The following LIMCH1 variants were observed in gnomAD, a reference collection of about 807,000 sequenced individuals.
LIMCH1 encodes LIM and calponin homology domains-containing protein 1.
A neutral mutation model predicts 176.5 loss-of-function variants in LIMCH1; 113 were observed. That is an observed-to-expected ratio of 0.64 (90% CI 0.55 to 0.75). LIMCH1 has a LOEUF of 0.75. Among genes scored for constraint, LIMCH1 ranks in the 30% least tolerant of loss-of-function variants. LIMCH1 has a pLI of 0.00. For missense variants in LIMCH1, 1,674 were observed against 1,814.9 expected, an observed-to-expected ratio of 0.92 and a Z score of 1.41; for synonymous variants, 619 against 645.9, an observed-to-expected ratio of 0.96 and a Z score of 0.63.
chr4:41,686,208 G>GT (rs1478268407), intron 28 of LIMCH1, among the ~76,000 whole-genome samples: 4 of 152,114 alleles, frequency 2.6e-5, no homozygotes, highest in Non-Finnish European at 5.9e-5. Flanking sequence ...CTCCTGTAAG[G>GT]TAATTACCTG....
At chr4:41,687,109 G>A (rs6842816) in intron 28 of LIMCH1, among the ~76,000 whole-genome samples, 45,697 of 151,992 alleles carry the variant, frequency 0.3, 7,488 homozygotes, top group African/African-American at 0.42. Flanking sequence ...CACGCTGTTC[G>A]CTTCTGTGCT....
At chr4:41,685,645 G>T in intron 27 of LIMCH1, 65 bp from the exon 28 acceptor site, 2 of 1,594,038 alleles carry the variant, frequency 1.3e-6, no homozygotes, top group East Asian at 2.3e-5. Context: ...TTAAAGAAAG[G>T]TGACTTCCTA....
intron 1 of LIMCH1, among the ~76,000 whole-genome samples, chr4:41,450,628 C>T (rs1242265976): frequency 6.6e-6 from 1 of 151,718 alleles, no homozygotes; most frequent in Non-Finnish European, 1.5e-5. Context: ...AATCCCGTCT[C>T]TACTGAAAAT....
At position 41,680,065 on chromosome 4, in the gene LIMCH1, G is replaced by C. The variant is rs762425253; in HGVS notation, c.3579G>C (p.Glu1193Asp). ...LKEEWEKAQK[E>D]VEEEERRYYE... Reference sequence around the variant, plus strand: ...AAGAGTGGGAAAAGGCCCAAAAGGAGGTGGAAGAGGAAGAACGCAGATACT... The same window carrying C: ...AAGAGTGGGAAAAGGCCCAAAAGGACGTGGAAGAGGAAGAACGCAGATACT... Residue 1193 changes from glutamate to aspartate, a missense_variant, in exon 24 of 32, where the codon GAG becomes GAC. This residue lies in a region of LIMCH1 where 1,015 missense variants were observed against 1,102.5 expected (regional missense o/e 0.92). Transcript: ENST00000503057. 1.9e-6 allele frequency: 3 copies of C among 1,609,976 alleles called. No homozygotes were observed. The highest frequency in any genetic ancestry group is 2.2e-5 in the South Asian group (2 of 89,808).
intron 4 of LIMCH1, among the ~76,000 whole-genome samples, chr4:41,609,823 A>T (rs1006555281): frequency 6.6e-5 from 10 of 152,222 alleles, no homozygotes; most frequent in East Asian, 3.8e-4. Flanking sequence ...TAGATGTGCT[A>T]GTCTCTGTTG....
intron 2 of LIMCH1, among the ~76,000 whole-genome samples, chr4:41,519,878 C>A (rs2075947315): frequency 6.6e-6 from 1 of 152,100 alleles, no homozygotes; most frequent in Admixed American, 6.5e-5. Context: ...GATTAAGAAA[C>A]CTTTCAGTAA....
intron 1 of LIMCH1, among the ~76,000 whole-genome samples, chr4:41,544,244 T>C (rs1345690459): frequency 6.6e-6 from 1 of 152,178 alleles, no homozygotes; most frequent in Non-Finnish European, 1.5e-5. Flanking sequence ...TTTAAAAACA[T>C]AGTGACTCCT....
rs190210567 is a variant in LIMCH1 at position 41,512,152 on chromosome 4, A to G, written c.168-12257A>G. On this transcript the variant is annotated intron_variant, in intron 2 of 26. Coordinates refer to the LIMCH1 transcript ENST00000313860. ...AATGACTAGTAAGTACATAAAAAAG[A>G]TGTTCAACGTTGTTAGTCTTGAGAG... 1.2e-4 allele frequency among the ~76,000 whole-genome samples: 18 copies of G among 152,334 alleles called. No individual in the cohort carries two copies. The East Asian group carries it at 2.7e-3, about 23-fold the overall frequency.
intron 19 of LIMCH1, 52 bp from the exon 20 acceptor site, chr4:41,662,769 A>T (rs75228450): frequency 0.096 from 153,537 of 1,591,626 alleles, 8,242 homozygotes; most frequent in South Asian, 0.15. Context: ...GGTCCTATAG[A>T]TATTTGATTT....
chr4:41,441,422 G>A (rs1051186846), intron 1 of LIMCH1, among the ~76,000 whole-genome samples: 8 of 152,020 alleles, frequency 5.3e-5, no homozygotes, highest in Non-Finnish European at 1.0e-4. Context: ...AAAAACTTAG[G>A]GCATTCTCTC....
upstream of LIMCH1, among the ~76,000 whole-genome samples, chr4:41,360,146 G>C (rs908314097): frequency 7.2e-5 from 11 of 152,088 alleles, no homozygotes; most frequent in Non-Finnish European, 1.0e-4. The surrounding 1 kb of genome is among the most constrained non-coding windows in gnomAD (Gnocchi z 4.5). Flanking sequence ...CGACAGACTA[G>C]GACACAGGTA....
chr4:41,416,096 G>T (rs938890238), intron 1 of LIMCH1, among the ~76,000 whole-genome samples: 3 of 152,162 alleles, frequency 2.0e-5, no homozygotes, highest in East Asian at 1.9e-4. Context: ...TTGAGTGATT[G>T]TGTGACCAGC....
intron 1 of LIMCH1, among the ~76,000 whole-genome samples, chr4:41,541,934 C>A (rs185220335): frequency 6.6e-6 from 1 of 152,184 alleles, no homozygotes; most frequent in African/African-American, 2.4e-5. Flanking sequence ...CTTGAAAAGT[C>A]GCTCTGGTTT....
At chr4:41,410,308 A>C (rs932872801) in intron 1 of LIMCH1, among the ~76,000 whole-genome samples, 5 of 152,184 alleles carry the variant, frequency 3.3e-5, no homozygotes, top group Non-Finnish European at 7.3e-5. Context: ...CATCTTACAC[A>C]ATATTGGATT....
chr4:41,572,563 TTAG>T (rs1457968635), intron 1 of LIMCH1, among the ~76,000 whole-genome samples: 1 of 152,154 alleles, frequency 6.6e-6, no homozygotes, highest in Admixed American at 6.5e-5. Flanking sequence ...AGCAAGGCTC[TTAG>T]TAGCAAATTT....
Position 41,662,786 on chromosome 4 carries a change from CCTTCTGTACG to C in LIMCH1, c.3128-34_3128-25del, listed in dbSNP as rs142890171. 32,960 of 1,610,178 alleles carry C rather than the reference CCTTCTGTACG, an allele frequency of 0.02. 1,042 individuals are homozygous for C. The highest frequency in any genetic ancestry group is 0.14 in the East Asian group (6,303 of 44,816). On this transcript the variant is annotated intron_variant, in intron 19 of 31. Coordinates refer to ENST00000503057, the MANE Select transcript of LIMCH1 (RefSeq NM_001330672.2). ...TCCTATAGATATTTGATTTTCTTTT[CCTTCTGTACG>C]TTTCTGGATGTAACTCCATTGCAGA... is the stretch of plus-strand genomic sequence containing the variant.
chr4:41,576,113 C>T (rs528666839), intron 1 of LIMCH1, among the ~76,000 whole-genome samples: 13 of 152,126 alleles, frequency 8.5e-5, no homozygotes, highest in African/African-American at 2.2e-4. Flanking sequence ...GTTAGTTCAC[C>T]GTCTGCATAA....
At chr4:41,466,306 A>G (rs970403051) in intron 1 of LIMCH1, among the ~76,000 whole-genome samples, 3 of 152,238 alleles carry the variant, frequency 2.0e-5, no homozygotes, top group African/African-American at 4.8e-5. Flanking sequence ...CTAGATCAGT[A>G]GTTCTCCACC....
At chr4:41,687,296 T>C (rs1721615533) in intron 28 of LIMCH1, among the ~76,000 whole-genome samples, 1 of 152,176 alleles carries the variant, frequency 6.6e-6, no homozygotes, top group Non-Finnish European at 1.5e-5. Flanking sequence ...CCACGACATA[T>C]CAGTTGTTAC....
Sources: gnomAD v4.1 joint callset for allele counts (sites outside exome capture counted in the v4.1 genomes callset) on GRCh38, gnomAD v4.1.1 for gene constraint, gnomAD v4.1.1 regional missense constraint, Gnocchi (gnomAD v3.1) non-coding constraint, MANE v1.5 for transcripts, NCBI Gene and HGNC (gene_info 2026-07-23, HGNC 2026-07-21) for gene names.